Variants in CNTN4 observed in about 807,000 individuals in gnomAD.
CNTN4 encodes contactin-4.
Under a neutral mutation model 122.5 loss-of-function variants are expected in CNTN4, and 77 were observed. The observed-to-expected ratio is 0.63, with a 90% confidence interval of 0.52 to 0.76. The LOEUF is 0.76. CNTN4 is among the 30% of genes least tolerant of loss of function. The pLI is 0.00. For missense variants in CNTN4, 1,256 were observed against 1,259.1 expected (o/e 1.00, Z 0.04); for synonymous variants, 512 against 447.0 (o/e 1.15, Z -1.83).
chr3:2,371,149 G>A (rs2045617381), intron 3 of CNTN4, among the ~76,000 whole-genome samples: 1 of 152,108 alleles, frequency 6.6e-6, no homozygotes, highest in African/African-American at 2.4e-5. Context: ...GATACCCAGA[G>A]GTTCCTTCTA....
At chr3:2,457,757 T>G (rs2049053415) in intron 3 of CNTN4, among the ~76,000 whole-genome samples, 1 of 152,090 alleles carries the variant, frequency 6.6e-6, no homozygotes, top group South Asian at 2.1e-4. Flanking sequence ...ATGCAGAAAT[T>G]TCCATGTCCC....
chr3:2,428,419 G>A (rs2047928167), intron 3 of CNTN4, among the ~76,000 whole-genome samples: 1 of 152,304 alleles, frequency 6.6e-6, no homozygotes, highest in Non-Finnish European at 1.5e-5. Flanking sequence ...CTTCTGGCTT[G>A]TAGAGTTTCT....
At chr3:2,344,522 C>T (rs2044330451) in intron 3 of CNTN4, among the ~76,000 whole-genome samples, 1 of 152,142 alleles carries the variant, frequency 6.6e-6, no homozygotes, top group Non-Finnish European at 1.5e-5. Context: ...TCATGATCCA[C>T]CCGCTTCAGC....
At chr3:2,611,899 A>T (rs1333421006) in intron 4 of CNTN4, among the ~76,000 whole-genome samples, 8 of 151,978 alleles carry the variant, frequency 5.3e-5, no homozygotes, top group Non-Finnish European at 8.8e-5. Context: ...ATTTCTTTTG[A>T]TTGCAATAAA....
intron 13 of CNTN4, among the ~76,000 whole-genome samples, chr3:2,977,437 C>T (rs925101567): frequency 6.6e-6 from 1 of 152,064 alleles, no homozygotes; most frequent in Non-Finnish European, 1.5e-5. Flanking sequence ...TTTTTTCCTA[C>T]TGGACTTTTA....
At chr3:2,797,844 C>T (rs1222754681) in intron 6 of CNTN4, among the ~76,000 whole-genome samples, 1 of 151,240 alleles carries the variant, frequency 6.6e-6, no homozygotes, top group Non-Finnish European at 1.5e-5. Flanking sequence ...ACACTATGAC[C>T]CTTACTCACA....
Position 2,819,480 on chromosome 3 carries a change from C to T in CNTN4, c.359-6C>T, listed in dbSNP as rs147652210. 7.3e-5 allele frequency: 118 copies of T among 1,609,792 alleles called. 1 individual carries two copies. The East Asian group carries it at 2.2e-3, about 30-fold the overall frequency. ...TAAATGCTTTTTCCCATATTTCTCC[C>T]AACAGATCTTGACAACTTTAAAACA... On this transcript the variant is annotated splice_region_variant and splice_polypyrimidine_tract_variant and intron_variant, in intron 6 of 24. Coordinates refer to ENST00000418658, the MANE Select transcript of CNTN4 (RefSeq NM_175607.3).
chr3:2,542,807 T>G (rs535857372), intron 3 of CNTN4, among the ~76,000 whole-genome samples: 2 of 152,242 alleles, frequency 1.3e-5, no homozygotes, highest in East Asian at 1.9e-4. Flanking sequence ...GTGGCATGTT[T>G]CCTGGGCCAG....
Position 2,905,931 on chromosome 3 carries a change from G to A in CNTN4, c.1207+2926G>A, listed in dbSNP as rs553822420. On this transcript the variant is annotated intron_variant, in intron 12 of 24. Transcript: ENST00000418658. ...TAGAGAATCTTCAGTGCTTTTTAAAGCTGTTGACTCCTCAGTGGATGAATG... is the reference window on the plus strand; with the variant it reads ...TAGAGAATCTTCAGTGCTTTTTAAAACTGTTGACTCCTCAGTGGATGAATG... 2.6e-5 allele frequency among the ~76,000 whole-genome samples: 4 copies of A among 152,360 alleles called. No individual in the cohort carries two copies. In the South Asian group the frequency reaches 6.2e-4, roughly 24 times the overall value.
In CNTN4 at chr3:2,747,363, G is replaced by C. The variant is rs551182156; in HGVS notation, c.358+1666G>C. ...GGCGGAGCTTGCAGTGAGCCGAGAT[G>C]GCGCCACTGGACTCCAGCCTGGGCG... On this transcript the variant is annotated intron_variant, in intron 6 of 24. Coordinates refer to ENST00000418658, the MANE Select transcript of CNTN4 (RefSeq NM_175607.3). 7.1e-4 allele frequency among the ~76,000 whole-genome samples: 107 copies of C among 151,604 alleles called. 3 individuals carry two copies. The highest frequency in any genetic ancestry group is 4.0e-3 in the Admixed American group (61 of 15,254).
chr3:2,283,487 C>A lies in CNTN4; in HGVS notation c.-144-55691C>A, dbSNP rs17011769. The stretch of plus-strand genomic sequence containing the variant: ...CATTTTCATAAATATGTCACTGAAA[C>A]AGGCTCACAAAGCAGTACATGCCAT... On this transcript the variant is annotated intron_variant, in intron 2 of 24. Transcript: ENST00000418658. Among the ~76,000 whole-genome samples, 1,228 of 152,154 alleles carry A rather than the reference C, an allele frequency of 8.1e-3. 18 individuals are homozygous for A. Among genetic ancestry groups the A allele is most frequent in the African/African-American group, 0.028 (1,163 of 41,518 alleles).
intron 2 of CNTN4, among the ~76,000 whole-genome samples, chr3:2,128,147 T>C (rs573368732): frequency 6.6e-6 from 1 of 152,294 alleles, no homozygotes; most frequent in East Asian, 1.9e-4. Context: ...TTTATCTGCT[T>C]GCAGATAATT....
chr3:2,954,287 C>G (rs1298417746), intron 13 of CNTN4, among the ~76,000 whole-genome samples: 1 of 152,130 alleles, frequency 6.6e-6, no homozygotes, highest in Non-Finnish European at 1.5e-5. Flanking sequence ...AGGTCTTTCA[C>G]CTTCTCCCTT....
intron 3 of CNTN4, among the ~76,000 whole-genome samples, chr3:2,390,456 T>C (rs2046403928): frequency 6.6e-6 from 1 of 152,136 alleles, no homozygotes; most frequent in Non-Finnish European, 1.5e-5. Context: ...CAGAAGCAGC[T>C]TCAAATACTG....
chr3:2,165,978 A>G (rs2036177220), intron 2 of CNTN4, among the ~76,000 whole-genome samples: 1 of 152,036 alleles, frequency 6.6e-6, no homozygotes, highest in Non-Finnish European at 1.5e-5. Context: ...TTTCTTCAAT[A>G]TCAGGGCTAT....
At chr3:2,160,816 G>A (rs984452162) in intron 2 of CNTN4, among the ~76,000 whole-genome samples, 12 of 152,154 alleles carry the variant, frequency 7.9e-5, no homozygotes, top group East Asian at 1.9e-4. Flanking sequence ...ATTTCCATTC[G>A]TCACATTTGG....
intron 4 of CNTN4, among the ~76,000 whole-genome samples, chr3:2,684,008 A>G (rs2085303404): frequency 6.6e-6 from 1 of 152,166 alleles, no homozygotes; most frequent in Non-Finnish European, 1.5e-5. Context: ...TTAAAGAATC[A>G]ACCTTACAGG....
At chr3:2,674,131 T>G (rs765666384) in intron 4 of CNTN4, among the ~76,000 whole-genome samples, 12 of 152,230 alleles carry the variant, frequency 7.9e-5, no homozygotes, top group Non-Finnish European at 1.2e-4. Flanking sequence ...CCGCTCAGTT[T>G]TGGAGTAGTT....
At chr3:2,462,521 T>C (rs1003860556) in intron 3 of CNTN4, among the ~76,000 whole-genome samples, 1 of 152,220 alleles carries the variant, frequency 6.6e-6, no homozygotes, top group African/African-American at 2.4e-5. Context: ...ATATTTTGGA[T>C]AGGAAGAAAG....
Sources: allele counts gnomAD v4.1 joint callset (sites outside exome capture counted in the v4.1 genomes callset), GRCh38; gene constraint gnomAD v4.1.1; transcripts MANE v1.5; gene names NCBI Gene and HGNC (gene_info 2026-07-23, HGNC 2026-07-21).